The following ETV1 variants were observed in gnomAD, a reference collection of about 807,000 sequenced individuals.
The protein encoded by ETV1 is ETS translocation variant 1.
In ETV1, 27 loss-of-function variants were observed where a neutral mutation model predicts 62.3. The ratio of observed to expected loss-of-function variants is 0.43; its 90% CI spans 0.32 to 0.60. The LOEUF is 0.60. Among genes scored for constraint, ETV1 ranks in the 20% least tolerant of loss-of-function variants. The pLI is 0.06. For synonymous variants in ETV1, 222 were observed against 199.6 expected (o/e 1.11, Z -0.94); for missense variants, 605 against 605.8 (o/e 1.00, Z 0.01).
chr7:13,915,508 C>T (rs143570967), intron 9 of ETV1, among the ~76,000 whole-genome samples: 1 of 152,112 alleles, frequency 6.6e-6, no homozygotes. Context: ...AAACTTAGTA[C>T]TTCACTAGAT....
intron 6 of ETV1, among the ~76,000 whole-genome samples, chr7:13,958,042 C>T (rs142400955): frequency 6.6e-6 from 1 of 152,288 alleles, no homozygotes; most frequent in African/African-American, 2.4e-5. Flanking sequence ...CCATACAAGG[C>T]ATACATAAAT....
chr7:13,987,638 A>T (rs1782665075), intron 4 of ETV1, among the ~76,000 whole-genome samples: 1 of 152,212 alleles, frequency 6.6e-6, no homozygotes, highest in African/African-American at 2.4e-5. Context: ...TTCTGTTAAT[A>T]GTAGATGGTT....
At position 13,986,656 on chromosome 7, in the gene ETV1, C is replaced by T. The variant is rs2128514156; in HGVS notation, c.163G>A (p.Glu55Lys). The T allele has an allele frequency of 6.2e-7, 1 of 1,612,292 alleles. No individual in the cohort carries two copies. Among genetic ancestry groups the T allele is most frequent in the Non-Finnish European group, 8.5e-7 (1 of 1,179,312 alleles). Reference sequence around the variant, plus strand: ...GCCTTACCTTCTGCAAGCCATGTTTCCTGTAATTGACTTAGATCTTGAAAG... The same window carrying T: ...GCCTTACCTTCTGCAAGCCATGTTTTCTGTAATTGACTTAGATCTTGAAAG... The part of the protein sequence containing the change: ...ELFQDLSQLQ[E>K]TWLAEAQVPD... Residue 55 changes from glutamate (E) to lysine (K), a missense_variant, in exon 5 of 14, where the codon GAA becomes AAA. Glu to Lys is a moderately conservative substitution (Grantham distance 56). Around this residue, in one of 3 missense-constraint regions of ETV1, gnomAD observed 426 missense variants for 377.8 expected, o/e 1.13. Transcript: ENST00000430479.
At position 13,979,798 on chromosome 7, in the gene ETV1, T is replaced by C. The variant is rs550785962; in HGVS notation, c.182-2318A>G. On this transcript the variant is annotated intron_variant, in intron 5 of 13. Transcript: ENST00000430479. ...CTGGTGAGTAACAAAAGTATACTTGTAACTGAATATGATGGTATGAATGTT... is the reference window on the plus strand; with the variant it reads ...CTGGTGAGTAACAAAAGTATACTTGCAACTGAATATGATGGTATGAATGTT... Among the ~76,000 whole-genome samples the C allele has an allele frequency of 4.6e-5, 7 of 152,224 alleles. No homozygotes were observed. The East Asian group carries it at 1.2e-3, about 25-fold the overall frequency.
chr7:13,976,143 C>G (rs1005557959), intron 6 of ETV1, among the ~76,000 whole-genome samples: 8 of 152,130 alleles, frequency 5.3e-5, no homozygotes, highest in African/African-American at 1.7e-4. Flanking sequence ...AGACATCAAA[C>G]AGCATTATAC....
At chr7:13,907,719 T>A (rs901171790) in intron 11 of ETV1, 1 of 368,794 alleles carries the variant, frequency 2.7e-6, no homozygotes, top group Non-Finnish European at 5.6e-6. Context: ...CCAGACAAAA[T>A]ATATCTAAGC....
chr7:13,977,545 A>C, intron 5 of ETV1, 65 bp from the exon 6 acceptor site: 2 of 1,098,308 alleles, frequency 1.8e-6, no homozygotes, highest in Non-Finnish European at 2.7e-6. Context: ...AAGGAATGTC[A>C]AGTAAAATCT....
chr7:13,927,261 C>G (rs1785534654), intron 9 of ETV1, among the ~76,000 whole-genome samples: 1 of 152,026 alleles, frequency 6.6e-6, no homozygotes, highest in East Asian at 1.9e-4. Flanking sequence ...CCAGCCTAGC[C>G]AACATGATGA....
intron 3 of ETV1, 24 bp from the exon 4 acceptor site, chr7:13,988,197 T>C (rs1221321125): frequency 6.6e-7 from 1 of 1,522,870 alleles, no homozygotes; most frequent in Admixed American, 1.7e-5. Flanking sequence ...GATAAAATCC[T>C]TTAAAAGAAT....
chr7:13,921,346 T>G (rs1277300164), intron 9 of ETV1, among the ~76,000 whole-genome samples: 1 of 152,226 alleles, frequency 6.6e-6, no homozygotes, highest in Non-Finnish European at 1.5e-5. Flanking sequence ...CCAGAGTTTT[T>G]ATGGAGAGGA....
In ETV1 at chr7:13,892,230, CT is replaced by C. The variant is rs1781431550; in HGVS notation, c.*3635del. 4.3e-6 allele frequency: 1 copy of C among 232,448 alleles called. No individual in the cohort carries two copies. The highest frequency in any genetic ancestry group is 2.2e-5 in the African/African-American group (1 of 45,290). The allele number at this position is 232,448 out of a possible 1,614,324, so 14.4% of individuals were successfully genotyped here. ...AATCTGGATTAGACCACTGATTTAA[CT>C]GTTATTACTATTATTATCATACCTT... On this transcript the variant is annotated 3_prime_UTR_variant, in exon 14 of 14. Coordinates refer to ENST00000430479, the MANE Select transcript of ETV1 (RefSeq NM_004956.5).
chr7:13,960,419 T>C (rs1319911004), intron 6 of ETV1, among the ~76,000 whole-genome samples: 1 of 152,170 alleles, frequency 6.6e-6, no homozygotes, highest in South Asian at 2.1e-4. Flanking sequence ...CTCATCTATG[T>C]GCCAAATTCT....
chr7:13,970,399 G>A (rs921270705), intron 6 of ETV1, among the ~76,000 whole-genome samples: 4 of 151,602 alleles, frequency 2.6e-5, no homozygotes, highest in Non-Finnish European at 4.4e-5. Flanking sequence ...ATAACTCTCA[G>A]GAATACTAAC....
At chr7:13,991,157 C>T (rs1562732262), upstream of ETV1, 1 of 152,184 alleles carries the variant, frequency 6.6e-6, no homozygotes, top group Non-Finnish European at 1.5e-5. Flanking sequence ...CATTTTAACC[C>T]CGGCCAAGGA....
At chr7:13,979,452 G>C (rs565421510) in intron 5 of ETV1, among the ~76,000 whole-genome samples, 7 of 151,900 alleles carry the variant, frequency 4.6e-5, no homozygotes, top group African/African-American at 1.7e-4. Flanking sequence ...ATATTTTTTT[G>C]ACACTGCAGA....
At chr7:13,988,605 AAAAAGAGAAAATGAG>A in intron 3 of ETV1, 1 of 1,233,986 alleles carries the variant, frequency 8.1e-7, no homozygotes, top group South Asian at 1.9e-5. Flanking sequence ...GAAAAAAAAA[AAAAAGAGAAAATGAG>A]AAAAAAAAAA....
rs551572538 is a variant in ETV1 at position 13,900,999 on chromosome 7, G to A, written c.1111-160C>T. On this transcript the variant is annotated intron_variant, in intron 12 of 13. Coordinates refer to ENST00000430479, the MANE Select transcript of ETV1 (RefSeq NM_004956.5). ...TCGTAATCTGGATTTCCTGTCTCCT[G>A]GTTTGCTTTTTTTTTTTTTTTTGAA... Among the ~76,000 whole-genome samples the A allele has an allele frequency of 2.8e-4, 34 of 122,214 alleles. No individual in the cohort carries two copies. The South Asian group carries it at 9.8e-3, about 35-fold the overall frequency. 80.2% of individuals were successfully genotyped at this position (122,214 alleles called of 152,430 possible).
At chr7:13,959,037 C>T (rs1216128000) in intron 6 of ETV1, 1 of 140,510 alleles carries the variant, frequency 7.1e-6, no homozygotes, top group Non-Finnish European at 1.5e-5. Flanking sequence ...CTGTGTTGAT[C>T]TTGCTTAAAA....
Position 13,925,685 on chromosome 7 carries a change from C to A in ETV1, c.802+5817G>T, listed in dbSNP as rs533577253. ...GGTTCACACCATTCTCCTGCCTCAG[C>A]CTCCAGAGTAGCTGGGACTACAGGG... On this transcript the variant is annotated intron_variant, in intron 9 of 13. Coordinates refer to ENST00000430479, the MANE Select transcript of ETV1 (RefSeq NM_004956.5). Among the ~76,000 whole-genome samples, 39 of 152,120 alleles carry A rather than the reference C, an allele frequency of 2.6e-4. 1 individual carries two copies. The highest frequency in any genetic ancestry group is 4.6e-4 in the Non-Finnish European group (31 of 67,974).
Sources: allele counts gnomAD v4.1 joint callset (sites outside exome capture counted in the v4.1 genomes callset), GRCh38; gene constraint gnomAD v4.1.1; regional missense constraint gnomAD v4.1.1; transcripts MANE v1.5; gene names NCBI Gene and HGNC (gene_info 2026-07-23, HGNC 2026-07-21).